The following UBR1 variants were observed in gnomAD, a reference collection of about 807,000 sequenced individuals.
UBR1 encodes the protein ubiquitin protein ligase E3 component n-recognin 1, also known as E3 ubiquitin-protein ligase UBR1.
Under a neutral mutation model 242.1 loss-of-function variants are expected in UBR1, and 102 were observed. The observed-to-expected ratio is 0.42, with a 90% CI of 0.36 to 0.50. The LOEUF is 0.50. UBR1 is among the 20% of genes least tolerant of loss of function. The pLI is 0.01. For synonymous variants in UBR1, 675 were observed against 684.8 expected (o/e 0.99, Z 0.22); for missense variants, 1,772 against 2,101.8 (o/e 0.84, Z 3.07).
intron 41 of UBR1, among the ~76,000 whole-genome samples, chr15:42,964,429 A>T (rs1179976181): frequency 6.6e-6 from 1 of 152,078 alleles, no homozygotes; most frequent in Non-Finnish European, 1.5e-5. Flanking sequence ...AGATCGCGCT[A>T]TTGCACTCCA....
chr15:43,064,432 A>C (rs1000216682), intron 6 of UBR1, among the ~76,000 whole-genome samples: 62 of 152,220 alleles, frequency 4.1e-4, no homozygotes, highest in African/African-American at 1.4e-3. Context: ...AATTTTTCTA[A>C]GAATGAGAGC....
intron 8 of UBR1, 36 bp from the exon 9 acceptor site, chr15:43,059,228 G>C (rs1424968793): frequency 6.3e-7 from 1 of 1,577,164 alleles, no homozygotes; most frequent in African/African-American, 1.3e-5. Flanking sequence ...TACACAACTT[G>C]TATTCTTTTT....
chr15:42,952,481 G>A, intron 44 of UBR1, 33 bp from the exon 45 acceptor site: 1 of 1,612,820 alleles, frequency 6.2e-7, no homozygotes, highest in South Asian at 1.1e-5. Flanking sequence ...AGAGAATGAT[G>A]GAAAAACAAA....
At chr15:43,061,968 T>C (rs2033693240) in intron 6 of UBR1, among the ~76,000 whole-genome samples, 1 of 151,628 alleles carries the variant, frequency 6.6e-6, no homozygotes, top group African/African-American at 2.4e-5. Flanking sequence ...AAAAATGAGT[T>C]GGCTGTAAAA....
intron 35 of UBR1, among the ~76,000 whole-genome samples, chr15:42,986,648 A>G (rs1302589158): frequency 4.6e-5 from 7 of 152,244 alleles, no homozygotes; most frequent in Non-Finnish European, 1.0e-4. Flanking sequence ...TGATTGAATC[A>G]TAGCAAATAT....
At chr15:43,096,763 G>A (rs1596143093) in intron 1 of UBR1, among the ~76,000 whole-genome samples, 2 of 152,142 alleles carry the variant, frequency 1.3e-5, no homozygotes, top group African/African-American at 4.8e-5. Context: ...TTTATCATGT[G>A]TTTACAGCAA....
chr15:43,003,764 T>C (rs2032761636), intron 31 of UBR1, 73 bp downstream of exon 31: 3 of 1,325,084 alleles, frequency 2.3e-6, no homozygotes, highest in Non-Finnish European at 3.3e-6. Flanking sequence ...TGAGAAAACA[T>C]GCCTTTTTGT....
chr15:43,085,682 G>A (rs1379847594), intron 2 of UBR1, among the ~76,000 whole-genome samples: 1 of 152,104 alleles, frequency 6.6e-6, no homozygotes. Context: ...CCAGGAGTTT[G>A]AGACCAGCCT....
intron 1 of UBR1, among the ~76,000 whole-genome samples, chr15:43,093,857 AC>A (rs1194896497): frequency 6.6e-6 from 1 of 152,058 alleles, no homozygotes; most frequent in Non-Finnish European, 1.5e-5. Flanking sequence ...CTTTCCTGTA[AC>A]TTTTATCCTG....
intron 20 of UBR1, 47 bp downstream of exon 20, chr15:43,032,521 A>C: frequency 7.5e-7 from 1 of 1,338,132 alleles, no homozygotes; most frequent in Admixed American, 1.8e-5. Context: ...TGGTCTCTCT[A>C]AAAAGTAACC....
At chr15:42,999,882 A>C (rs2032697226) in intron 32 of UBR1, among the ~76,000 whole-genome samples, 1 of 152,078 alleles carries the variant, frequency 6.6e-6, no homozygotes, top group South Asian at 2.1e-4. Flanking sequence ...GAATCTTTTT[A>C]TTGAAAGAAT....
intron 6 of UBR1, among the ~76,000 whole-genome samples, chr15:43,067,692 TA>T (rs1235316933): frequency 6.6e-6 from 1 of 152,172 alleles, no homozygotes; most frequent in Non-Finnish European, 1.5e-5. Context: ...TCTAATTATT[TA>T]AAATAAAAGA....
chr15:42,989,335 T>C (rs2032521376), intron 34 of UBR1, among the ~76,000 whole-genome samples: 2 of 152,216 alleles, frequency 1.3e-5, no homozygotes, highest in South Asian at 4.1e-4. Context: ...CAAGCTTTGA[T>C]GCTTGGAAAA....
chr15:42,950,514 GTT>G lies in UBR1; in HGVS notation c.5007-153_5007-152del. 3 of 674,626 alleles carry G rather than the reference GTT, an allele frequency of 4.4e-6. No individual in the cohort carries two copies. In the East Asian group the frequency reaches 8.2e-5, roughly 18 times the overall value. 41.8% of individuals were successfully genotyped at this position (674,626 alleles called of 1,614,324 possible). A position where few individuals can be genotyped will look rare whatever the true frequency, so the allele number is the denominator to read the frequency against. On this transcript the variant is annotated intron_variant, in intron 45 of 46. Transcript: ENST00000290650. ...TAAACAGACAAATAGACTAAATTAT[GTT>G]TTGTCTAAATAAAAGAGAACACTTA...
In UBR1 at chr15:42,961,423, C is replaced by CT. The variant is rs766721149; in HGVS notation, c.4701-723dup. ...AGCCACTGTGCTGGCCTATGTTCCTCTTTTTTTTTTTTTTTTTTTAGATGG... is the reference window on the plus strand; with the variant it reads ...AGCCACTGTGCTGGCCTATGTTCCTCTTTTTTTTTTTTTTTTTTTTAGATGG... On this transcript the variant is annotated intron_variant, in intron 42 of 46. Transcript: ENST00000290650. 5.1e-3 allele frequency among the ~76,000 whole-genome samples: 679 copies of CT among 131,900 alleles called. 3 individuals carry two copies. The highest frequency in any genetic ancestry group is 6.3e-3 in the African/African-American group (226 of 35,916). 86.5% of individuals were successfully genotyped at this position (131,900 alleles called of 152,430 possible).
intron 1 of UBR1, among the ~76,000 whole-genome samples, chr15:43,093,713 G>A (rs2034128728): frequency 6.6e-6 from 1 of 150,406 alleles, no homozygotes; most frequent in Admixed American, 6.7e-5. Flanking sequence ...CTGAGCCCAG[G>A]AGGTTGAGGC....
intron 1 of UBR1, among the ~76,000 whole-genome samples, chr15:43,089,616 C>A (rs1019514719): frequency 6.6e-6 from 1 of 151,840 alleles, no homozygotes; most frequent in Admixed American, 6.6e-5. Flanking sequence ...TATTTTTTTT[C>A]TTTTTAATAG....
At chr15:43,068,676 G>A (rs1388806747) in intron 5 of UBR1, among the ~76,000 whole-genome samples, 2 of 151,808 alleles carry the variant, frequency 1.3e-5, no homozygotes, top group South Asian at 2.1e-4. Context: ...GCTGGAGTAC[G>A]GTGGCGCAAT....
chr15:42,978,933 T>C (rs1316567013), intron 37 of UBR1, among the ~76,000 whole-genome samples: 1 of 146,986 alleles, frequency 6.8e-6, no homozygotes, highest in Non-Finnish European at 1.5e-5. Flanking sequence ...TCTCGCTTTA[T>C]TGCCAGGCTG....
Sources: allele counts gnomAD v4.1 joint callset (sites outside exome capture counted in the v4.1 genomes callset), GRCh38; gene constraint gnomAD v4.1.1; transcripts MANE v1.5; gene names NCBI Gene and HGNC (gene_info 2026-07-23, HGNC 2026-07-21).